Variants in CNBD1 observed in about 807,000 individuals in gnomAD.
CNBD1 encodes cyclic nucleotide binding domain containing 1, also known as cyclic nucleotide-binding domain-containing protein 1.
In CNBD1, 71 loss-of-function variants were observed where a neutral mutation model predicts 54.4. The ratio of observed to expected loss-of-function variants is 1.30; its 90% confidence interval spans 1.08 to 1.59. CNBD1 has a LOEUF of 1.59. Ranked by LOEUF, CNBD1 falls within the 40% of genes most tolerant of loss-of-function variation. The pLI, the probability that CNBD1 is intolerant of heterozygous loss-of-function variation, is 0.00. For synonymous variants in CNBD1, 182 were observed against 170.7 expected, an observed-to-expected ratio of 1.07 and a Z score of -0.51; for missense variants, 659 against 518.0, an observed-to-expected ratio of 1.27 and a Z score of -2.64.
intron 8 of CNBD1, among the ~76,000 whole-genome samples, chr8:87,341,196 T>C (rs1810056663): frequency 6.6e-6 from 1 of 152,106 alleles, no homozygotes; most frequent in Non-Finnish European, 1.5e-5. Flanking sequence ...TTGCTCTCCC[T>C]AGTGTCTGCT....
At chr8:87,394,074 A>C (rs1323843825) in intron 2 of CNBD1, among the ~76,000 whole-genome samples, 1 of 151,888 alleles carries the variant, frequency 6.6e-6, no homozygotes, top group African/African-American at 2.4e-5. Context: ...GTACATGCTT[A>C]TTTCTATGGA....
chr8:87,296,328 C>T (rs747679374), intron 8 of CNBD1, among the ~76,000 whole-genome samples: 4 of 151,874 alleles, frequency 2.6e-5, no homozygotes, highest in East Asian at 3.9e-4. Context: ...TCTTCACATT[C>T]GGAGGGATAA....
At chr8:87,394,488 A>C (rs1424121298) in intron 2 of CNBD1, among the ~76,000 whole-genome samples, 1 of 151,878 alleles carries the variant, frequency 6.6e-6, no homozygotes, top group African/African-American at 2.4e-5. Context: ...TGTCTTCCTC[A>C]AATACACCAC....
At chr8:86,968,992 A>T (rs1808157674) in intron 4 of CNBD1, among the ~76,000 whole-genome samples, 1 of 152,292 alleles carries the variant, frequency 6.6e-6, no homozygotes, top group Middle Eastern at 3.4e-3. Context: ...TCTTGTGGGC[A>T]AATTGTGAGG....
chr8:87,410,791 C>T (rs1049922531), intron 2 of CNBD1, among the ~76,000 whole-genome samples: 2 of 152,130 alleles, frequency 1.3e-5, no homozygotes, highest in Middle Eastern at 3.4e-3. Flanking sequence ...GCATTGTTGT[C>T]GTATTTTGAG....
At chr8:86,902,771 G>C (rs1808957928) in intron 2 of CNBD1, among the ~76,000 whole-genome samples, 2 of 151,922 alleles carry the variant, frequency 1.3e-5, no homozygotes, top group Admixed American at 1.3e-4. Context: ...CAGAATTGAA[G>C]GGTCAGATAG....
intron 10 of CNBD1, among the ~76,000 whole-genome samples, chr8:87,366,692 G>T (rs1278981107): frequency 1.3e-5 from 2 of 152,014 alleles, no homozygotes; most frequent in Admixed American, 1.3e-4. Context: ...CATAGTGCTG[G>T]AGGTCAGCAG....
At chr8:86,956,889 G>A (rs1259934103) in intron 4 of CNBD1, among the ~76,000 whole-genome samples, 1 of 152,126 alleles carries the variant, frequency 6.6e-6, no homozygotes. Flanking sequence ...GGCGAAAGAG[G>A]GCATCCCTGT....
intron 2 of CNBD1, among the ~76,000 whole-genome samples, chr8:87,424,939 C>A (rs1380969602): frequency 6.6e-6 from 1 of 152,114 alleles, no homozygotes. Context: ...TCCATTCTCC[C>A]CATGACTTTC....
At chr8:87,041,535 A>C (rs965991563) in intron 4 of CNBD1, among the ~76,000 whole-genome samples, 19 of 152,262 alleles carry the variant, frequency 1.2e-4, no homozygotes, top group African/African-American at 4.3e-4. Context: ...ATCTATGGTC[A>C]CACCTGTAAT....
chr8:87,320,880 G>C (rs1006131279), intron 8 of CNBD1, among the ~76,000 whole-genome samples: 3 of 151,830 alleles, frequency 2.0e-5, no homozygotes, highest in African/African-American at 7.3e-5. Flanking sequence ...CACCTTCCCT[G>C]CAGCCCCTGG....
chr8:87,344,571 G>A (rs1157418322), intron 8 of CNBD1, among the ~76,000 whole-genome samples: 1 of 152,036 alleles, frequency 6.6e-6, no homozygotes, highest in Admixed American at 6.6e-5. Context: ...TAACCAAGAT[G>A]TAATAAAATA....
At chr8:87,314,116 T>C (rs1349016124) in intron 8 of CNBD1, among the ~76,000 whole-genome samples, 1 of 151,902 alleles carries the variant, frequency 6.6e-6, no homozygotes, top group East Asian at 1.9e-4. Context: ...GCTTTTTTTT[T>C]CTAATTCAGT....
At chr8:87,028,430 C>A (rs568329448) in intron 4 of CNBD1, among the ~76,000 whole-genome samples, 39 of 152,298 alleles carry the variant, frequency 2.6e-4, no homozygotes, top group African/African-American at 9.1e-4. Flanking sequence ...GAATGAAAAT[C>A]TATTACCAGA....
rs139043346 is a variant in CNBD1, at chr8:87,051,919, G to T, written c.431+112165G>T. ...CTAAGTCCCAGGATCCATCAGTCCT[G>T]CTGGACCATCTGTGAGACTGGCCTT... On this transcript the variant is annotated intron_variant, in intron 4 of 10. Coordinates refer to ENST00000518476, the MANE Select transcript of CNBD1 (RefSeq NM_173538.3). Among the ~76,000 whole-genome samples the T allele has an allele frequency of 2.4e-3, 363 of 152,298 alleles. 1 individual carries two copies. The highest frequency in any genetic ancestry group is 8.0e-3 in the African/African-American group (332 of 41,546).
At chr8:87,244,543 T>C (rs1174133061) in intron 6 of CNBD1, among the ~76,000 whole-genome samples, 1 of 152,142 alleles carries the variant, frequency 6.6e-6, no homozygotes, top group Non-Finnish European at 1.5e-5. Context: ...GCTTATCAAA[T>C]GTTGAATTTA....
At chr8:87,011,273 G>A (rs1809216180) in intron 4 of CNBD1, among the ~76,000 whole-genome samples, 1 of 150,912 alleles carries the variant, frequency 6.6e-6, no homozygotes, top group African/African-American at 2.4e-5. Context: ...ATCCTCTTAG[G>A]TTTATTTTCT....
intron 2 of CNBD1, among the ~76,000 whole-genome samples, chr8:87,397,765 G>T (rs1371737862): frequency 1.3e-5 from 2 of 151,942 alleles, no homozygotes; most frequent in Non-Finnish European, 2.9e-5. Flanking sequence ...TCATTTTGTA[G>T]CTCCCATAAT....
intron 8 of CNBD1, among the ~76,000 whole-genome samples, chr8:87,320,356 A>G (rs1809494311): frequency 6.6e-6 from 1 of 152,102 alleles, no homozygotes; most frequent in Admixed American, 6.6e-5. Flanking sequence ...AATAAGATAC[A>G]GTTTTTAAGC....
Sources: gnomAD v4.1 joint callset for allele counts (sites outside exome capture counted in the v4.1 genomes callset) on GRCh38, gnomAD v4.1.1 for gene constraint, MANE v1.5 for transcripts, NCBI Gene and HGNC (gene_info 2026-07-23, HGNC 2026-07-21) for gene names.